Variants in CCSER2 observed in about 807,000 individuals in gnomAD.
The protein encoded by CCSER2 is coiled-coil serine rich protein 2, also known as serine-rich coiled-coil domain-containing protein 2.
A neutral mutation model predicts 92.3 loss-of-function variants in CCSER2; 46 were observed. The ratio of observed to expected loss-of-function variants is 0.50; its 90% CI spans 0.39 to 0.64. The LOEUF (loss-of-function observed/expected upper bound fraction) is 0.64. Among genes scored for constraint, CCSER2 ranks in the 30% least tolerant of loss-of-function variants. The probability of loss-of-function intolerance (pLI) is 0.00; values close to 1 mark genes in which losing one functional copy is unlikely to be tolerated. For missense variants in CCSER2, 1,244 were observed against 1,238.9 expected, an observed-to-expected ratio of 1.00 and a Z score of -0.06; for synonymous variants, 433 against 431.4, an observed-to-expected ratio of 1.00 and a Z score of -0.04.
intron 9 of CCSER2, among the ~76,000 whole-genome samples, chr10:84,490,483 A>G (rs1308837296): frequency 6.6e-6 from 1 of 152,138 alleles, no homozygotes; most frequent in Non-Finnish European, 1.5e-5. Flanking sequence ...GCTTCATTTC[A>G]TTCATTTGAT....
chr10:84,495,008 G>A (rs1265015562), intron 9 of CCSER2, among the ~76,000 whole-genome samples: 1 of 145,522 alleles, frequency 6.9e-6, no homozygotes, highest in Non-Finnish European at 1.5e-5. Context: ...TCTTACTTTG[G>A]GTTTATTTTG....
intron 3 of CCSER2, among the ~76,000 whole-genome samples, chr10:84,404,443 G>C (rs11201026): frequency 6.6e-6 from 1 of 152,146 alleles, no homozygotes; most frequent in Admixed American, 6.6e-5. Context: ...ATACTTAAAA[G>C]TGAGTGGACA....
At chr10:84,420,932 C>CAAA (rs59244448) in intron 4 of CCSER2, among the ~76,000 whole-genome samples, 1 of 84,828 alleles carries the variant, frequency 1.2e-5, no homozygotes. Flanking sequence ...GACTCCATCT[C>CAAA]AAAAAAAAAA....
Position 84,397,460 on chromosome 10 carries a change from C to A in CCSER2, c.1615-20311C>A, listed in dbSNP as rs1399742775. Among the ~76,000 whole-genome samples the A allele has an allele frequency of 3.9e-5, 6 of 152,134 alleles. No homozygotes were observed. The East Asian group carries it at 9.6e-4, about 24-fold the overall frequency. On this transcript the variant is annotated intron_variant, in intron 3 of 9. Transcript: ENST00000372088. Reference sequence around the variant, plus strand: ...CTGGTTTGAGGACAGAAAATTGAACCTAAAATAAGGAAATTCTGACTGCTA... The same window carrying A: ...CTGGTTTGAGGACAGAAAATTGAACATAAAATAAGGAAATTCTGACTGCTA...
At chr10:84,340,003 G>A (rs185735418) in intron 1 of CCSER2, among the ~76,000 whole-genome samples, 1 of 151,822 alleles carries the variant, frequency 6.6e-6, no homozygotes, top group Non-Finnish European at 1.5e-5. Context: ...CACCACGCCC[G>A]GCTAATTTTT....
chr10:84,459,503 G>T (rs1301593601), intron 6 of CCSER2, among the ~76,000 whole-genome samples: 3 of 151,974 alleles, frequency 2.0e-5, no homozygotes, highest in African/African-American at 4.8e-5. Context: ...CTGGTAGGAT[G>T]TTTTGTTTTG....
At chr10:84,363,978 A>G (rs1238135389) in intron 1 of CCSER2, among the ~76,000 whole-genome samples, 1 of 152,232 alleles carries the variant, frequency 6.6e-6, no homozygotes, top group African/African-American at 2.4e-5. Flanking sequence ...TGTACAGCAT[A>G]TTACTGTATT....
intron 6 of CCSER2, among the ~76,000 whole-genome samples, chr10:84,444,753 C>G (rs1458012532): frequency 6.6e-6 from 1 of 152,178 alleles, no homozygotes; most frequent in African/African-American, 2.4e-5. Context: ...GAAAAAAGTT[C>G]TCCCTGCACA....
At chr10:84,440,434 T>TA (rs199749980) in intron 6 of CCSER2, among the ~76,000 whole-genome samples, 21 of 151,964 alleles carry the variant, frequency 1.4e-4, no homozygotes, top group East Asian at 3.9e-4. Flanking sequence ...TGACTGAATT[T>TA]AAAAAAAACA....
chr10:84,392,316 C>CAAAAAAAAAAAAAAAAAAAA (rs71473611), intron 3 of CCSER2, among the ~76,000 whole-genome samples: 2 of 53,856 alleles, frequency 3.7e-5, no homozygotes, highest in Non-Finnish European at 3.1e-5. Context: ...TCTGAAGAAG[C>CAAAAAAAAAAAAAAAAAAAA]AAAAAAAAAA....
intron 1 of CCSER2, among the ~76,000 whole-genome samples, chr10:84,363,526 G>T (rs1845621496): frequency 6.6e-6 from 1 of 152,158 alleles, no homozygotes; most frequent in African/African-American, 2.4e-5. Context: ...GTACTTAGTA[G>T]TGAGTTTATG....
intron 3 of CCSER2, among the ~76,000 whole-genome samples, chr10:84,414,153 G>A (rs1454453958): frequency 6.6e-6 from 1 of 152,146 alleles, no homozygotes; most frequent in Non-Finnish European, 1.5e-5. Flanking sequence ...TACATTTAAG[G>A]TTAGTATTAT....
chr10:84,440,685 A>G (rs1036671822), intron 6 of CCSER2, among the ~76,000 whole-genome samples: 1 of 152,108 alleles, frequency 6.6e-6, no homozygotes, highest in Non-Finnish European at 1.5e-5. Flanking sequence ...ACTTTGCTGG[A>G]ATATATCTTT....
At chr10:84,449,567 G>A (rs1182962786) in intron 6 of CCSER2, among the ~76,000 whole-genome samples, 7 of 152,004 alleles carry the variant, frequency 4.6e-5, no homozygotes, top group South Asian at 2.1e-4. Flanking sequence ...AAATGCTAAC[G>A]TAGGGCTGGG....
chr10:84,362,719 T>C (rs1276920568), intron 1 of CCSER2, among the ~76,000 whole-genome samples: 1 of 152,220 alleles, frequency 6.6e-6, no homozygotes, highest in African/African-American at 2.4e-5. Context: ...GAGCATGGCA[T>C]GTCCTCTTTA....
intron 9 of CCSER2, among the ~76,000 whole-genome samples, chr10:84,512,051 A>AG (rs1849375167): frequency 6.6e-6 from 1 of 152,084 alleles, no homozygotes; most frequent in Non-Finnish European, 1.5e-5. Context: ...GTATGCCATC[A>AG]TAGCCAACCA....
At position 84,395,765 on chromosome 10, in the gene CCSER2, T is replaced by G. The variant is rs545146837; in HGVS notation, c.1614+21950T>G. ...GACCAACCATTGGGAAACCCAGATT[T>G]CAGCCGTAGCTGAATAAGTAGTGTC... On this transcript the variant is annotated intron_variant, in intron 3 of 9. Coordinates refer to ENST00000372088, the MANE Select transcript of CCSER2 (RefSeq NM_001284240.2). 3.9e-5 allele frequency among the ~76,000 whole-genome samples: 6 copies of G among 152,314 alleles called. No individual in the cohort carries two copies. In the South Asian group the frequency reaches 1.0e-3, roughly 26 times the overall value.
chr10:84,486,860 A>G (rs1419489187), intron 9 of CCSER2, among the ~76,000 whole-genome samples: 1 of 152,000 alleles, frequency 6.6e-6, no homozygotes, highest in Non-Finnish European at 1.5e-5. Context: ...TTTCTTCTAG[A>G]GTTTTTATGG....
At chr10:84,476,077 C>A (rs184490235) in intron 8 of CCSER2, among the ~76,000 whole-genome samples, 122 of 152,268 alleles carry the variant, frequency 8.0e-4, no homozygotes, top group African/African-American at 2.8e-3. Context: ...CCCAAGCAAT[C>A]CGCCAGCCAC....
Sources: gnomAD v4.1 joint callset for allele counts (sites outside exome capture counted in the v4.1 genomes callset) on GRCh38, gnomAD v4.1.1 for gene constraint, MANE v1.5 for transcripts, NCBI Gene and HGNC (gene_info 2026-07-23, HGNC 2026-07-21) for gene names.